The following LPA variants were observed in gnomAD, a reference collection of about 807,000 sequenced individuals.
The protein encoded by LPA is lipoprotein(a).
LPA carries 199 observed loss-of-function variants against 197.9 expected under a neutral mutation model. The observed-to-expected ratio is 1.01, with a 90% CI of 0.90 to 1.13. The LOEUF is 1.13. Ranked by LOEUF, LPA falls within the 50% of genes most tolerant of loss-of-function variation. LPA has a pLI of 0.00. For missense variants in LPA, 1,853 were observed against 1,785.8 expected (o/e 1.04, Z -0.68); for synonymous variants, 715 against 639.5 (o/e 1.12, Z -1.78).
chr6:160,543,322 TG>T (rs1778015026), intron 33 of LPA, among the ~76,000 whole-genome samples: 1 of 152,166 alleles, frequency 6.6e-6, no homozygotes, highest in Admixed American at 6.5e-5. Flanking sequence ...GTCCCATCTT[TG>T]GTACCACCCA....
At chr6:160,539,744 A>G (rs1349958779) in intron 36 of LPA, among the ~76,000 whole-genome samples, 1 of 152,228 alleles carries the variant, frequency 6.6e-6, no homozygotes, top group Non-Finnish European at 1.5e-5. Flanking sequence ...GTTAGCCTGG[A>G]ATAACAACCT....
At chr6:160,540,314 A>T (rs1777961468) in intron 35 of LPA, 131 bp from the exon 36 acceptor site, 1 of 922,198 alleles carries the variant, frequency 1.1e-6, no homozygotes, top group Middle Eastern at 3.2e-4. Context: ...GTGGCAAGAA[A>T]CAAAATTCAC....
intron 19 of LPA, among the ~76,000 whole-genome samples, chr6:160,600,291 C>T (rs916172938): frequency 5.9e-5 from 9 of 152,188 alleles, no homozygotes; most frequent in Non-Finnish European, 1.0e-4. Flanking sequence ...GTCTACTACT[C>T]TTTTTCTCCA....
chr6:160,635,542 C>T (rs1170725271), intron 6 of LPA, among the ~76,000 whole-genome samples: 1 of 120,642 alleles, frequency 8.3e-6, no homozygotes, highest in African/African-American at 3.5e-5. Flanking sequence ...AAGTAGCAAA[C>T]GCTTCTTAGA....
In LPA at chr6:160,600,959, T is replaced by G. The variant is rs760501779; in HGVS notation, c.3085A>C (p.Asn1029His). Reference protein sequence around the residue: ...DAEWTAFVPPNVILAPSLEAF... With the variant: ...DAEWTAFVPPHVILAPSLEAF... ...TCTAGGCTTGGAGCCAGAATAACAT[T>G]CGGAGGGACGAAGGCAGTCCATTCT... is the stretch of plus-strand genomic sequence containing the variant. Residue 1029 changes from asparagine to histidine, a missense_variant, in exon 19 of 39, where the codon AAT becomes CAT. Physicochemically the swap from Asn to His is moderately conservative, Grantham distance 68. Transcript: ENST00000316300. The G allele has an allele frequency of 6.2e-7, 1 of 1,613,510 alleles. No individual in the cohort carries two copies. The highest frequency in any genetic ancestry group is 1.3e-5 in the African/African-American group (1 of 75,004).
intron 26 of LPA, among the ~76,000 whole-genome samples, 169 bp downstream of exon 26, chr6:160,584,877 C>G (rs1244006978): frequency 6.7e-6 from 1 of 149,888 alleles, no homozygotes; most frequent in Admixed American, 6.7e-5. Flanking sequence ...AATCCTAAAA[C>G]TTCTCTTCAT....
At chr6:160,561,359 C>A (rs993478769) in intron 28 of LPA, among the ~76,000 whole-genome samples, 17 of 152,286 alleles carry the variant, frequency 1.1e-4, no homozygotes, top group Non-Finnish European at 2.2e-4. Context: ...TCCAGTTTGT[C>A]AAAGATCCAA....
chr6:160,553,917 CTT>C (rs1491266079), intron 30 of LPA, among the ~76,000 whole-genome samples: 5,409 of 133,468 alleles, frequency 0.041, 322 homozygotes, highest in African/African-American at 0.14. Context: ...CTCTCTCTCT[CTT>C]TCTCTCTCTC....
At chr6:160,542,196 AATTTGTTC>A (rs1777991778) in intron 34 of LPA, among the ~76,000 whole-genome samples, 1 of 152,196 alleles carries the variant, frequency 6.6e-6, no homozygotes, top group Non-Finnish European at 1.5e-5. Flanking sequence ...CACAACCCAT[AATTTGTTC>A]ATGTGTTTGT....
At chr6:160,597,102 G>T (rs1009329213) in intron 20 of LPA, among the ~76,000 whole-genome samples, 1 of 152,184 alleles carries the variant, frequency 6.6e-6, no homozygotes, top group African/African-American at 2.4e-5. Flanking sequence ...CATGTGTAGA[G>T]TACACCTCAG....
At position 160,542,757 on chromosome 6, in the gene LPA, G is replaced by C; in HGVS notation, c.5450C>G (p.Pro1817Arg). Residue 1817 changes from proline (P) to arginine (R), a missense_variant, in exon 34 of 39, where the codon CCT becomes CGT. Pro to Arg is a moderately radical substitution (Grantham distance 103). This residue lies in a region of LPA where 1,737 missense variants were observed against 1,504.4 expected (regional missense o/e 1.15). Transcript: ENST00000316300. ...CACACACCCCCCTACAATGCTTCCAGGACATTTCTTCGGCTCCACTTGAGG... is the reference window on the plus strand; with the variant it reads ...CACACACCCCCCTACAATGCTTCCACGACATTTCTTCGGCTCCACTTGAGG... ...GKPQVEPKKC[P>R]GSIVGGCVAH... 2 of 1,614,124 alleles carry C rather than the reference G, an allele frequency of 1.2e-6. No individual in the cohort carries two copies. The highest frequency in any genetic ancestry group is 1.7e-6 in the Non-Finnish European group (2 of 1,179,998).
intron 26 of LPA, among the ~76,000 whole-genome samples, chr6:160,584,264 C>A (rs904390447): frequency 1.9e-5 from 2 of 103,488 alleles, no homozygotes; most frequent in Admixed American, 2.0e-4. Context: ...CCTCCTCTTC[C>A]TCTTCCTCTT....
At chr6:160,654,037 ATATATAATATATAATATATT>A in intron 1 of LPA, among the ~76,000 whole-genome samples, 2 of 11,936 alleles carry the variant, frequency 1.7e-4, no homozygotes, top group African/African-American at 1.0e-3. Context: ...AATATATATT[ATATATAATATATAATATATT>A]ATATATATTA....
chr6:160,591,806 T>A (rs1779034978), intron 22 of LPA, among the ~76,000 whole-genome samples: 1 of 132,670 alleles, frequency 7.5e-6, no homozygotes, highest in Non-Finnish European at 1.6e-5. Context: ...ATTTTCTTGT[T>A]CACTGAATGT....
At chr6:160,541,617 G>A (rs1777983124) in intron 34 of LPA, among the ~76,000 whole-genome samples, 1 of 152,222 alleles carries the variant, frequency 6.6e-6, no homozygotes, top group African/African-American at 2.4e-5. Context: ...ACTCATGAGG[G>A]TCTTCTGATC....
chr6:160,575,578 T>C (rs1778640130), intron 28 of LPA, among the ~76,000 whole-genome samples: 1 of 152,170 alleles, frequency 6.6e-6, no homozygotes, highest in Non-Finnish European at 1.5e-5. Context: ...TTTGCTAGGA[T>C]TTTTGTGGAG....
intron 18 of LPA, among the ~76,000 whole-genome samples, chr6:160,602,515 A>G (rs1779264227): frequency 1.3e-5 from 2 of 152,238 alleles, no homozygotes. Context: ...CTCATTTAAA[A>G]AGATATAGAA....
intron 27 of LPA, among the ~76,000 whole-genome samples, chr6:160,577,813 C>G (rs1355216317): frequency 6.6e-6 from 1 of 152,206 alleles, no homozygotes; most frequent in Non-Finnish European, 1.5e-5. Flanking sequence ...TAGAGACAAA[C>G]AACTTATTCC....
At chr6:160,541,940 C>T (rs968382380) in intron 34 of LPA, among the ~76,000 whole-genome samples, 15 of 152,266 alleles carry the variant, frequency 9.9e-5, no homozygotes, top group East Asian at 3.9e-4. Flanking sequence ...TCAGGTTTGT[C>T]GATGGCATTT....
Sources: gnomAD v4.1 joint callset for allele counts (sites outside exome capture counted in the v4.1 genomes callset) on GRCh38, gnomAD v4.1.1 for gene constraint, gnomAD v4.1.1 regional missense constraint, MANE v1.5 for transcripts, NCBI Gene and HGNC (gene_info 2026-07-23, HGNC 2026-07-21) for gene names.